Variants in CTNNA3 observed in about 807,000 individuals in gnomAD.
CTNNA3 encodes catenin alpha 3.
CTNNA3 carries 76 observed loss-of-function variants against 95.7 expected under a neutral mutation model. The observed-to-expected ratio is 0.79, with a 90% CI of 0.66 to 0.96. The LOEUF is 0.96. CTNNA3 is among the 40% of genes least tolerant of loss of function. CTNNA3 has a pLI of 0.00. For synonymous variants in CTNNA3, 431 were observed against 374.4 expected (o/e 1.15, Z -1.74); for missense variants, 1,191 against 1,089.8 (o/e 1.09, Z -1.31).
Position 66,520,597 on chromosome 10 carries a change from T to C in CTNNA3, c.1531+20A>G. Reference sequence around the variant, plus strand: ...AAATTGACAAGAGAAAATAAACAAATTAAAAGAATAAAAACATACCAGATA... The same window carrying C: ...AAATTGACAAGAGAAAATAAACAAACTAAAAGAATAAAAACATACCAGATA... On this transcript the variant is annotated intron_variant, in intron 11 of 17. Coordinates refer to ENST00000433211, the MANE Select transcript of CTNNA3 (RefSeq NM_013266.4). The C allele has an allele frequency of 2.5e-6, 4 of 1,584,576 alleles. No individual in the cohort carries two copies. The highest frequency in any genetic ancestry group is 3.4e-6 in the Non-Finnish European group (4 of 1,164,140).
At position 66,310,686 on chromosome 10, in the gene CTNNA3, C is replaced by CTT. The variant is rs370233209; in HGVS notation, c.1733-30067_1733-30066dup. On this transcript the variant is annotated intron_variant, in intron 12 of 17. Coordinates refer to ENST00000433211, the MANE Select transcript of CTNNA3 (RefSeq NM_013266.4). ...AGCAATAATATTTGTTTATACATAA[C>CTT]TTTTTTTTTTTTTTTTTTTAGGCGG... is the stretch of plus-strand genomic sequence containing the variant. 1.9e-3 allele frequency among the ~76,000 whole-genome samples: 253 copies of CTT among 132,590 alleles called. 3 individuals are homozygous for CTT. The highest frequency in any genetic ancestry group is 4.7e-3 in the African/African-American group (168 of 35,470). The allele number at this position is 132,590 out of a possible 152,430, so 87.0% of individuals were successfully genotyped here. A position where few individuals can be genotyped will look rare whatever the true frequency, so the allele number is the denominator to read the frequency against.
At chr10:66,519,757 T>C (rs573120449) in intron 11 of CTNNA3, among the ~76,000 whole-genome samples, 64 of 152,264 alleles carry the variant, frequency 4.2e-4, no homozygotes, top group African/African-American at 1.3e-3. Context: ...CTAAAATGTA[T>C]AAAACTAAGC....
At chr10:67,623,333 T>C (rs1451678008) in intron 2 of CTNNA3, among the ~76,000 whole-genome samples, 5 of 152,214 alleles carry the variant, frequency 3.3e-5, no homozygotes, top group African/African-American at 7.2e-5. Flanking sequence ...CAAATCTGTC[T>C]GTAGAGCAGT....
At chr10:66,578,463 T>C (rs1843075037) in intron 10 of CTNNA3, among the ~76,000 whole-genome samples, 1 of 152,040 alleles carries the variant, frequency 6.6e-6, no homozygotes, top group Non-Finnish European at 1.5e-5. Context: ...TTGTCATAAA[T>C]AGCTCTTAAA....
intron 1 of CTNNA3, among the ~76,000 whole-genome samples, chr10:67,762,385 A>C (rs866553860): frequency 2.3e-3 from 298 of 131,218 alleles, no homozygotes; most frequent in African/African-American, 4.8e-3. Context: ...CCCCCCCCCA[A>C]AAAAAAAAAA....
chr10:66,337,270 T>C (rs1226844967), intron 12 of CTNNA3, among the ~76,000 whole-genome samples: 1 of 152,136 alleles, frequency 6.6e-6, no homozygotes, highest in Non-Finnish European at 1.5e-5. Context: ...TCTTCAATAA[T>C]TTTTAAGAGT....
At chr10:67,688,800 G>T (rs528230227) in intron 1 of CTNNA3, among the ~76,000 whole-genome samples, 5 of 152,076 alleles carry the variant, frequency 3.3e-5, no homozygotes, top group African/African-American at 4.8e-5. Flanking sequence ...CTGCTGATTG[G>T]AATAGTTGCA....
chr10:66,621,195 A>G (rs900764251), intron 10 of CTNNA3, among the ~76,000 whole-genome samples: 1 of 152,206 alleles, frequency 6.6e-6, no homozygotes, highest in Non-Finnish European at 1.5e-5. Context: ...AATAATTACT[A>G]AAAATAAATC....
chr10:67,490,295 G>C (rs58045210), intron 5 of CTNNA3, among the ~76,000 whole-genome samples: 4 of 152,162 alleles, frequency 2.6e-5, no homozygotes, highest in African/African-American at 9.7e-5. Flanking sequence ...CAAGAGATAA[G>C]TGAAAACATT....
intron 2 of CTNNA3, among the ~76,000 whole-genome samples, chr10:67,622,292 C>T (rs1309110185): frequency 6.6e-6 from 1 of 152,182 alleles, no homozygotes; most frequent in Non-Finnish European, 1.5e-5. Flanking sequence ...GCTGCCCACA[C>T]AATCAGTTTA....
chr10:66,038,371 T>C (rs2079610907), intron 15 of CTNNA3, among the ~76,000 whole-genome samples: 1 of 152,208 alleles, frequency 6.6e-6, no homozygotes, highest in African/African-American at 2.4e-5. Context: ...TCAGCCTCTC[T>C]AACCTCTTTT....
At chr10:66,489,105 G>A (rs1229839808) in intron 11 of CTNNA3, among the ~76,000 whole-genome samples, 1 of 152,108 alleles carries the variant, frequency 6.6e-6, no homozygotes, top group East Asian at 1.9e-4. Context: ...TACATACACA[G>A]GGTGCATTGA....
intron 13 of CTNNA3, among the ~76,000 whole-genome samples, chr10:66,176,430 T>C (rs189855543): frequency 6.6e-6 from 1 of 152,190 alleles, no homozygotes; most frequent in Non-Finnish European, 1.5e-5. Context: ...AAGATGCTCT[T>C]ACATAAAAGG....
At chr10:66,043,213 A>G (rs1182100231) in intron 15 of CTNNA3, among the ~76,000 whole-genome samples, 5 of 151,496 alleles carry the variant, frequency 3.3e-5, no homozygotes, top group Non-Finnish European at 7.4e-5. Flanking sequence ...TTTAATGGCA[A>G]TGCTAAGAAA....
intron 6 of CTNNA3, among the ~76,000 whole-genome samples, chr10:67,212,971 C>G (rs56208895): frequency 0.043 from 6,553 of 151,780 alleles, 178 homozygotes; most frequent in South Asian, 0.088. Context: ...TTGAGAGCTA[C>G]TTTGTTTGTT....
intron 7 of CTNNA3, among the ~76,000 whole-genome samples, chr10:67,018,358 T>C (rs1281530869): frequency 2.0e-5 from 3 of 152,224 alleles, no homozygotes; most frequent in African/African-American, 7.2e-5. Context: ...ACCCAACTTT[T>C]TAAAGGCAAC....
chr10:66,035,773 G>A (rs1198137093), intron 15 of CTNNA3, among the ~76,000 whole-genome samples: 1 of 152,092 alleles, frequency 6.6e-6, no homozygotes, highest in Non-Finnish European at 1.5e-5. Flanking sequence ...CTGGCTTATA[G>A]TGAGAAGTCT....
intron 10 of CTNNA3, among the ~76,000 whole-genome samples, chr10:66,581,460 G>C (rs1392493696): frequency 6.6e-6 from 1 of 151,236 alleles, no homozygotes; most frequent in East Asian, 1.9e-4. Context: ...CTCGGGTAAG[G>C]TGGTATACAT....
At chr10:66,208,657 A>G (rs1330945684) in intron 13 of CTNNA3, among the ~76,000 whole-genome samples, 4 of 152,182 alleles carry the variant, frequency 2.6e-5, no homozygotes, top group Admixed American at 2.6e-4. Flanking sequence ...GGTAGAAAGT[A>G]AAGTCAGTAT....
Sources: gnomAD v4.1 joint callset for allele counts (sites outside exome capture counted in the v4.1 genomes callset) on GRCh38, gnomAD v4.1.1 for gene constraint, MANE v1.5 for transcripts, NCBI Gene and HGNC (gene_info 2026-07-23, HGNC 2026-07-21) for gene names.